ST6GAL2: variants seen among roughly 807,000 people sequenced by gnomAD.
ST6GAL2 encodes ST6 beta-galactoside alpha-2,6-sialyltransferase 2, also known as beta-galactoside alpha-2,6-sialyltransferase 2.
In ST6GAL2, 24 loss-of-function variants were observed where a neutral mutation model predicts 37.5. That is an observed-to-expected ratio of 0.64 (90% CI 0.46 to 0.90). The LOEUF (loss-of-function observed/expected upper bound fraction) is 0.90, where lower values mean the gene tolerates loss of function less well. Among genes scored for constraint, ST6GAL2 ranks in the 40% least tolerant of loss-of-function variants. The probability of loss-of-function intolerance (pLI) is 0.00; values close to 1 mark genes in which losing one functional copy is unlikely to be tolerated. For synonymous variants in ST6GAL2, 306 were observed against 295.1 expected (o/e 1.04, Z -0.38); for missense variants, 715 against 712.7 (o/e 1.00, Z -0.04).
chr2:106,870,995 G>A (rs1254726369), intron 1 of ST6GAL2, among the ~76,000 whole-genome samples: 2 of 151,990 alleles, frequency 1.3e-5, no homozygotes, highest in Non-Finnish European at 2.9e-5. Flanking sequence ...TGCATCCTTG[G>A]GCAATTTCAT....
At chr2:106,873,426 T>C (rs750308469) in intron 1 of ST6GAL2, among the ~76,000 whole-genome samples, 3 of 152,210 alleles carry the variant, frequency 2.0e-5, no homozygotes, top group Non-Finnish European at 2.9e-5. Context: ...GGCAGCATAA[T>C]AACAAAACAC....
chr2:106,850,267 T>C (rs1391445393), intron 1 of ST6GAL2, among the ~76,000 whole-genome samples: 1 of 152,150 alleles, frequency 6.6e-6, no homozygotes, highest in East Asian at 1.9e-4. Context: ...TAGAGGGGGC[T>C]GCGTTGGTGC....
At chr2:106,884,930 T>C (rs1206159622) in intron 1 of ST6GAL2, among the ~76,000 whole-genome samples, 10 of 124,360 alleles carry the variant, frequency 8.0e-5, no homozygotes, top group Admixed American at 3.1e-4. Flanking sequence ...TATATATATA[T>C]ATATACATAC....
At chr2:106,847,342 A>T (rs1010870026) in intron 1 of ST6GAL2, among the ~76,000 whole-genome samples, 1 of 152,218 alleles carries the variant, frequency 6.6e-6, no homozygotes, top group African/African-American at 2.4e-5. Flanking sequence ...CAGTGCTTTG[A>T]GCTGTAATGA....
At chr2:106,848,043 CTTTTTT>C (rs1170945878) in intron 1 of ST6GAL2, among the ~76,000 whole-genome samples, 4 of 140,178 alleles carry the variant, frequency 2.9e-5, no homozygotes, top group Admixed American at 7.2e-5. Flanking sequence ...TTTTCTCTTT[CTTTTTT>C]TTTTTTTTTT....
In ST6GAL2 at chr2:106,843,760, C is replaced by G; in HGVS notation, c.218G>C (p.Gly73Ala). 6.2e-7 allele frequency: 1 copy of G among 1,609,940 alleles called. No individual in the cohort carries two copies. Among genetic ancestry groups the G allele is most frequent in the South Asian group, 1.1e-5 (1 of 90,970 alleles). ...GGGCAGCGCCTGGCGTGCGTCCAGG[C>G]CCCCAGGCGGGGAGGGCTCATGTGC... The part of the protein sequence containing the change: ...GAAHEPSPPG[G>A]LDARQALPRA... The change falls in exon 2 of 6, where the codon GGC (glycine) becomes GCC (alanine). Residue 73 changes from glycine (G) to alanine (A), a missense_variant. This residue lies in a region of ST6GAL2 where 512 missense variants were observed against 488.8 expected (regional missense o/e 1.05). Coordinates refer to ENST00000409382, the MANE Select transcript of ST6GAL2 (RefSeq NM_001142351.2).
chr2:106,845,266 G>A (rs1014733412), intron 1 of ST6GAL2, among the ~76,000 whole-genome samples: 12 of 152,174 alleles, frequency 7.9e-5, no homozygotes, highest in African/African-American at 2.9e-4. Flanking sequence ...GGAGGGTCTG[G>A]AGTGCCTACC....
At chr2:106,817,322 A>G (rs4433998) in intron 5 of ST6GAL2, among the ~76,000 whole-genome samples, 130,211 of 152,202 alleles carry the variant, frequency 0.86, 56,355 homozygotes, top group East Asian at 0.98. Context: ...TTCCTTCCTT[A>G]TCAGGAGAGG....
intron 1 of ST6GAL2, among the ~76,000 whole-genome samples, chr2:106,859,687 T>C (rs1677721427): frequency 6.6e-6 from 1 of 152,188 alleles, no homozygotes; most frequent in Non-Finnish European, 1.5e-5. Context: ...CATTGCCTTC[T>C]GTACTGCCCC....
At chr2:106,838,562 T>A (rs1003274079) in intron 2 of ST6GAL2, among the ~76,000 whole-genome samples, 6 of 152,200 alleles carry the variant, frequency 3.9e-5, no homozygotes, top group Admixed American at 6.5e-5. Context: ...ACAGTGACTA[T>A]CTGCAATGGC....
At chr2:106,878,478 C>A (rs1219186129) in intron 1 of ST6GAL2, among the ~76,000 whole-genome samples, 2 of 151,928 alleles carry the variant, frequency 1.3e-5, no homozygotes, top group African/African-American at 4.8e-5. Context: ...AGACAAAGAC[C>A]AGGCTGAGCG....
At chr2:106,815,842 T>C (rs1675781173) in intron 5 of ST6GAL2, among the ~76,000 whole-genome samples, 1 of 152,026 alleles carries the variant, frequency 6.6e-6, no homozygotes, top group Admixed American at 6.6e-5. Context: ...GCCAGGAGGG[T>C]GGCCACCCTT....
At position 106,801,676 on chromosome 2, in the gene ST6GAL2, CA is replaced by C. The variant is rs1259368141; in HGVS notation, c.*5001del. ...GTGTATACATAAAAATATACAAAAC[CA>C]AAATAGAAAATATCCAAGTGTTAAA... On this transcript the variant is annotated 3_prime_UTR_variant, in exon 6 of 6. Transcript: ENST00000409382. The C allele has an allele frequency of 6.6e-6, 1 of 152,060 alleles. No homozygotes were observed. Among genetic ancestry groups the C allele is most frequent in the African/African-American group, 2.4e-5 (1 of 41,394 alleles). The allele number at this position is 152,060 out of a possible 1,614,324, so 9.4% of individuals were successfully genotyped here.
rs191227858 is a variant in ST6GAL2, at chr2:106,802,712, A to G, written c.*3966T>C. 1.9e-4 allele frequency: 29 copies of G among 149,168 alleles called. No individual in the cohort carries two copies. Among genetic ancestry groups the G allele is most frequent in the African/African-American group, 7.0e-4 (29 of 41,324 alleles). 9.2% of individuals were successfully genotyped at this position (149,168 alleles called of 1,614,324 possible). On this transcript the variant is annotated 3_prime_UTR_variant, in exon 6 of 6. Transcript: ENST00000409382. ...CTGGGTAAGAGTTCTAAACTATCAG[A>G]AAGAGTTCTAAACTATCAGAATCAA...
chr2:106,884,938 T>TATAC (rs1426798721), intron 1 of ST6GAL2, among the ~76,000 whole-genome samples: 77 of 123,732 alleles, frequency 6.2e-4, no homozygotes, highest in East Asian at 3.5e-3. Flanking sequence ...TATATATACA[T>TATAC]ACACACACAC....
rs1202715275 is a variant in ST6GAL2 at position 106,803,740 on chromosome 2, C to T, written c.*2938G>A. 2.0e-5 allele frequency: 3 copies of T among 151,820 alleles called. No individual in the cohort carries two copies. The highest frequency in any genetic ancestry group is 7.3e-5 in the African/African-American group (3 of 41,164). The allele number at this position is 151,820 out of a possible 1,614,324, so 9.4% of individuals were successfully genotyped here. ...GAATCCTTAACAGCTTCAGCTTGCA[C>T]CAAGAGGATTTTTTTTTATCAGCTT... On this transcript the variant is annotated 3_prime_UTR_variant, in exon 6 of 6. Coordinates refer to ENST00000409382, the MANE Select transcript of ST6GAL2 (RefSeq NM_001142351.2).
Position 106,843,607 on chromosome 2 carries a change from A to G in ST6GAL2, c.371T>C (p.Phe124Ser). The G allele has an allele frequency of 6.2e-7, 1 of 1,614,004 alleles. No homozygotes were observed. The highest frequency in any genetic ancestry group is 8.5e-7 in the Non-Finnish European group (1 of 1,180,020). Residue 124 changes from phenylalanine (F) to serine (S), a missense_variant, in exon 2 of 6, where the codon TTC becomes TCC. Physicochemically the swap from Phe to Ser is radical, Grantham distance 155. This residue lies in a region of ST6GAL2 where 512 missense variants were observed against 488.8 expected (regional missense o/e 1.05). Transcript: ENST00000409382. Reference protein sequence around the residue: ...SQVGRKSQSAFYPEDDDYFFA... With the variant: ...SQVGRKSQSASYPEDDDYFFA... ...AAAGTAGTCGTCATCCTCCGGGTAG[A>G]AAGCACTTTGAGATTTTCTCCCCAC...
upstream of ST6GAL2, chr2:106,886,913 C>T (rs905324210): frequency 1.3e-5 from 2 of 152,370 alleles, no homozygotes; most frequent in Admixed American, 1.3e-4. Context: ...GCACGGCTGC[C>T]TAAAAAGGCG....
intron 1 of ST6GAL2, among the ~76,000 whole-genome samples, chr2:106,858,119 T>C (rs1234811635): frequency 6.6e-6 from 1 of 152,250 alleles, no homozygotes; most frequent in East Asian, 1.9e-4. Flanking sequence ...TATGTGTGCA[T>C]GTGTACACAT....
Sources: gnomAD v4.1 joint callset for allele counts (sites outside exome capture counted in the v4.1 genomes callset) on GRCh38, gnomAD v4.1.1 for gene constraint, gnomAD v4.1.1 regional missense constraint, MANE v1.5 for transcripts, NCBI Gene and HGNC (gene_info 2026-07-23, HGNC 2026-07-21) for gene names.